EXOC2: variants seen among roughly 807,000 people sequenced by gnomAD.
EXOC2 encodes the protein exocyst complex component 2, also known as SEC5-like 1.
EXOC2 carries 70 observed loss-of-function variants against 131.8 expected under a neutral mutation model. The observed-to-expected ratio is 0.53, with a 90% CI of 0.44 to 0.65. The LOEUF (loss-of-function observed/expected upper bound fraction) is 0.65, where lower values mean the gene tolerates loss of function less well. EXOC2 is among the 30% of genes least tolerant of loss of function. The pLI is 0.00. For synonymous variants in EXOC2, 411 were observed against 398.4 expected, an observed-to-expected ratio of 1.03 and a Z score of -0.38; for missense variants, 923 against 1,108.6, an observed-to-expected ratio of 0.83 and a Z score of 2.38.
chr6:523,628 G>A (rs754233700), intron 23 of EXOC2, among the ~76,000 whole-genome samples: 11 of 151,984 alleles, frequency 7.2e-5, no homozygotes, highest in Non-Finnish European at 1.3e-4. Context: ...GTTTAAACAG[G>A]GCAATGAATG....
At chr6:572,733 G>A (rs955929233) in intron 12 of EXOC2, 89 bp from the exon 13 acceptor site, 11 of 1,474,564 alleles carry the variant, frequency 7.5e-6, no homozygotes, top group Middle Eastern at 2.3e-4. Flanking sequence ...CTCCACTCCC[G>A]CAAAACTCCA....
chr6:635,876 T>C (rs375612953), intron 2 of EXOC2, among the ~76,000 whole-genome samples: 9 of 152,266 alleles, frequency 5.9e-5, no homozygotes, highest in East Asian at 5.8e-4. Context: ...TCCTGGCCAA[T>C]ATGGTAAAAC....
intron 1 of EXOC2, among the ~76,000 whole-genome samples, chr6:677,846 A>G (rs553735465): frequency 6.6e-6 from 1 of 152,220 alleles, no homozygotes; most frequent in East Asian, 1.9e-4. Context: ...GGCTCATTAA[A>G]TACTTTGTCC....
chr6:608,227 C>T (rs1760525745), intron 7 of EXOC2, among the ~76,000 whole-genome samples: 1 of 152,228 alleles, frequency 6.6e-6, no homozygotes, highest in Admixed American at 6.5e-5. Context: ...CCCGCCTGGG[C>T]GGGACTCTCT....
At chr6:631,967 ATTAT>A (rs765756044) in intron 3 of EXOC2, among the ~76,000 whole-genome samples, 30 of 152,144 alleles carry the variant, frequency 2.0e-4, no homozygotes, top group Non-Finnish European at 4.0e-4. Context: ...AATTTGCAAA[ATTAT>A]TTATTTTCTT....
chr6:595,541 C>T lies in EXOC2; in HGVS notation c.1073+2480G>A, dbSNP rs73371952. On this transcript the variant is annotated intron_variant, in intron 10 of 27. Transcript: ENST00000230449. ...CAGGAAAAATCGTAGTTAAAAGGCTCCTTAAAAGAATCTTTTTTGGCACTA... is the reference window on the plus strand; with the variant it reads ...CAGGAAAAATCGTAGTTAAAAGGCTTCTTAAAAGAATCTTTTTTGGCACTA... Among the ~76,000 whole-genome samples, 1,171 of 152,058 alleles carry T rather than the reference C, an allele frequency of 7.7e-3. 34 individuals are homozygous for T. The highest frequency in any genetic ancestry group is 0.024 in the Middle Eastern group (7 of 294).
intron 25 of EXOC2, among the ~76,000 whole-genome samples, chr6:496,521 G>A (rs1004804302): frequency 6.6e-6 from 1 of 152,100 alleles, no homozygotes; most frequent in Non-Finnish European, 1.5e-5. Flanking sequence ...CTCTCACCTA[G>A]CCGTAGTTGT....
At chr6:580,031 C>T (rs1250514927) in intron 11 of EXOC2, among the ~76,000 whole-genome samples, 4 of 143,874 alleles carry the variant, frequency 2.8e-5, no homozygotes, top group East Asian at 4.1e-4. Flanking sequence ...ATATGGTGGC[C>T]GGGTGCAGTT....
rs187933456 is a variant in EXOC2, at chr6:510,350, T to C, written c.2381-10650A>G. 1.2e-4 allele frequency among the ~76,000 whole-genome samples: 19 copies of C among 152,314 alleles called. No homozygotes were observed. In the East Asian group the frequency reaches 3.3e-3, roughly 26 times the overall value. Reference sequence around the variant, plus strand: ...AGCACATGAATGGGTACCTTCGCCCTCTCCTGCTTTCTGTTTTCCATCCCA... The same window carrying C: ...AGCACATGAATGGGTACCTTCGCCCCCTCCTGCTTTCTGTTTTCCATCCCA... On this transcript the variant is annotated intron_variant, in intron 23 of 27. Coordinates refer to ENST00000230449, the MANE Select transcript of EXOC2 (RefSeq NM_018303.6).
chr6:529,733 C>G (rs758309245), intron 23 of EXOC2, among the ~76,000 whole-genome samples: 11 of 152,064 alleles, frequency 7.2e-5, no homozygotes, highest in Non-Finnish European at 1.3e-4. Flanking sequence ...TAAACTATTA[C>G]TGAACAATGT....
chr6:654,002 A>T (rs1239924547), intron 1 of EXOC2, among the ~76,000 whole-genome samples: 2 of 152,220 alleles, frequency 1.3e-5, no homozygotes, highest in Non-Finnish European at 2.9e-5. Flanking sequence ...AGCCTACATG[A>T]CAGCACATCT....
intron 17 of EXOC2, among the ~76,000 whole-genome samples, chr6:558,703 C>G (rs933027655): frequency 6.6e-6 from 1 of 151,944 alleles, no homozygotes; most frequent in Admixed American, 6.6e-5. Context: ...GTCCTAGGTA[C>G]TCAGGAGGCT....
chr6:661,744 A>C (rs1366645382), intron 1 of EXOC2, among the ~76,000 whole-genome samples: 2 of 152,188 alleles, frequency 1.3e-5, no homozygotes, highest in Non-Finnish European at 2.9e-5. Context: ...GCAAAAACAA[A>C]CAAAAAAAAA....
Position 664,150 on chromosome 6 carries a change from G to A in EXOC2, c.-43-26289C>T, listed in dbSNP as rs369587414. ...TCTCTATAGCGAAAGCAACCAAGTGGAGAATCAAATCAAGAACTCAACCCC... is the reference window on the plus strand; with the variant it reads ...TCTCTATAGCGAAAGCAACCAAGTGAAGAATCAAATCAAGAACTCAACCCC... On this transcript the variant is annotated intron_variant, in intron 1 of 27. Transcript: ENST00000230449. Among the ~76,000 whole-genome samples, 7 of 152,188 alleles carry A rather than the reference G, an allele frequency of 4.6e-5. No homozygotes were observed. In the South Asian group the frequency reaches 8.3e-4, roughly 18 times the overall value.
chr6:578,176 C>CT, intron 11 of EXOC2, among the ~76,000 whole-genome samples: 1 of 152,278 alleles, frequency 6.6e-6, no homozygotes, highest in South Asian at 2.1e-4. Flanking sequence ...TACTTTATAA[C>CT]TTAATAGAAT....
chr6:567,660 CATG>C (rs199871207), intron 13 of EXOC2, among the ~76,000 whole-genome samples: 1,808 of 152,120 alleles, frequency 0.012, 17 homozygotes, highest in African/African-American at 0.021. Context: ...CATACGTGTA[CATG>C]ATGTGTTGTG....
chr6:534,272 G>A (rs1014872025), intron 22 of EXOC2, among the ~76,000 whole-genome samples: 3 of 152,168 alleles, frequency 2.0e-5, no homozygotes, highest in African/African-American at 7.2e-5. Context: ...CATTAAACAA[G>A]CAGTAGGAGA....
intron 18 of EXOC2, 34 bp downstream of exon 18, chr6:556,450 G>A: frequency 6.2e-7 from 1 of 1,607,054 alleles, no homozygotes; most frequent in Non-Finnish European, 8.5e-7. Flanking sequence ...GGCTCCCTGG[G>A]AAACTGGAGT....
intron 13 of EXOC2, among the ~76,000 whole-genome samples, chr6:572,016 C>T (rs755696390): frequency 1.3e-5 from 2 of 152,148 alleles, no homozygotes; most frequent in African/African-American, 2.4e-5. Context: ...AGAAGGTGGA[C>T]GGGCTCATAA....
Sources: gnomAD v4.1 joint callset for allele counts (sites outside exome capture counted in the v4.1 genomes callset) on GRCh38, gnomAD v4.1.1 for gene constraint, MANE v1.5 for transcripts, NCBI Gene and HGNC (gene_info 2026-07-23, HGNC 2026-07-21) for gene names.